CNTNAP2: variants seen among roughly 807,000 people sequenced by gnomAD.
CNTNAP2 encodes contactin associated protein 2.
In CNTNAP2, 98 loss-of-function variants were observed where a neutral mutation model predicts 155.2. The ratio of observed to expected loss-of-function variants is 0.63; its 90% CI spans 0.54 to 0.75. The LOEUF is 0.75. Among genes scored for constraint, CNTNAP2 ranks in the 30% least tolerant of loss-of-function variants. The probability of loss-of-function intolerance (pLI) is 0.00; values close to 1 mark genes in which losing one functional copy is unlikely to be tolerated. For missense variants in CNTNAP2, 1,727 were observed against 1,688.1 expected, an observed-to-expected ratio of 1.02 and a Z score of -0.40; for synonymous variants, 651 against 631.2, an observed-to-expected ratio of 1.03 and a Z score of -0.47.
intron 13 of CNTNAP2, among the ~76,000 whole-genome samples, chr7:147,669,208 C>A (rs1795748194): frequency 5.3e-5 from 8 of 150,296 alleles, no homozygotes; most frequent in Admixed American, 5.3e-4. Flanking sequence ...TCAGAACATA[C>A]CCCCACTGTT....
At chr7:146,139,725 C>G (rs958629370) in intron 1 of CNTNAP2, among the ~76,000 whole-genome samples, 5 of 151,876 alleles carry the variant, frequency 3.3e-5, no homozygotes, top group African/African-American at 1.2e-4. Context: ...TTGTATAAGA[C>G]AGACCTAAAT....
At chr7:146,669,930 A>G (rs1175066861) in intron 1 of CNTNAP2, among the ~76,000 whole-genome samples, 1 of 152,146 alleles carries the variant, frequency 6.6e-6, no homozygotes, top group African/African-American at 2.4e-5. Flanking sequence ...TTTAGTAGCT[A>G]TTTCCTTTCA....
chr7:147,782,307 C>T (rs1226768946), intron 13 of CNTNAP2, among the ~76,000 whole-genome samples: 1 of 152,214 alleles, frequency 6.6e-6, no homozygotes, highest in Non-Finnish European at 1.5e-5. Context: ...CACAAGCGTG[C>T]TAACAGCAAA....
intron 20 of CNTNAP2, among the ~76,000 whole-genome samples, chr7:148,242,006 G>T (rs1226725706): frequency 6.6e-6 from 1 of 152,162 alleles, no homozygotes; most frequent in Non-Finnish European, 1.5e-5. Flanking sequence ...TCCAGAATAC[G>T]GCTAAAGCTT....
chr7:146,542,831 A>G (rs1797971375), intron 1 of CNTNAP2, among the ~76,000 whole-genome samples: 1 of 151,896 alleles, frequency 6.6e-6, no homozygotes, highest in Admixed American at 6.6e-5. Flanking sequence ...ACTTTCTCCA[A>G]TTTGGAGTGA....
chr7:146,439,652 A>G (rs913055895), intron 1 of CNTNAP2, among the ~76,000 whole-genome samples: 12 of 151,690 alleles, frequency 7.9e-5, no homozygotes, highest in African/African-American at 2.9e-4. Flanking sequence ...AACTTTCCAC[A>G]AAACAGAATT....
At chr7:147,258,951 A>T (rs767886643) in intron 8 of CNTNAP2, among the ~76,000 whole-genome samples, 5 of 152,336 alleles carry the variant, frequency 3.3e-5, no homozygotes, top group Non-Finnish European at 5.9e-5. Context: ...CTAAAGCTTC[A>T]GAGTGAAAGC....
intron 1 of CNTNAP2, among the ~76,000 whole-genome samples, chr7:146,172,486 T>A (rs1798409629): frequency 6.6e-6 from 1 of 152,156 alleles, no homozygotes; most frequent in South Asian, 2.1e-4. Flanking sequence ...AAAAATTTTA[T>A]TGAATTTATT....
At chr7:146,188,179 A>C (rs929912973) in intron 1 of CNTNAP2, among the ~76,000 whole-genome samples, 15 of 152,210 alleles carry the variant, frequency 9.9e-5, no homozygotes, top group African/African-American at 3.1e-4. Context: ...AAGAACAACC[A>C]CAAAAAATTC....
intron 3 of CNTNAP2, among the ~76,000 whole-genome samples, chr7:146,982,484 CT>C (rs1281397360): frequency 6.6e-6 from 1 of 152,104 alleles, no homozygotes; most frequent in Non-Finnish European, 1.5e-5. Flanking sequence ...GTTTAGCACT[CT>C]TTGAAAGTCT....
intron 10 of CNTNAP2, among the ~76,000 whole-genome samples, chr7:147,410,992 C>T (rs1477296807): frequency 6.6e-6 from 1 of 152,154 alleles, no homozygotes; most frequent in Admixed American, 6.5e-5. Context: ...GAGATCCTCG[C>T]AACTTCTGAT....
intron 1 of CNTNAP2, among the ~76,000 whole-genome samples, chr7:146,753,151 G>A (rs1402298041): frequency 6.6e-6 from 1 of 151,934 alleles, no homozygotes; most frequent in Admixed American, 6.6e-5. Flanking sequence ...GCATTGTTAT[G>A]CAATCTAAGA....
At chr7:148,356,372 G>A (rs1364746837) in intron 21 of CNTNAP2, among the ~76,000 whole-genome samples, 4 of 152,168 alleles carry the variant, frequency 2.6e-5, no homozygotes, top group Non-Finnish European at 2.9e-5. Flanking sequence ...AATGCCATGT[G>A]TGCTCTGACT....
intron 10 of CNTNAP2, among the ~76,000 whole-genome samples, chr7:147,484,663 A>G (rs1798481161): frequency 6.6e-6 from 1 of 152,214 alleles, no homozygotes; most frequent in African/African-American, 2.4e-5. Flanking sequence ...CTCCATGCCA[A>G]ACTGAGCCAA....
At chr7:146,434,336 C>G (rs1212763051) in intron 1 of CNTNAP2, among the ~76,000 whole-genome samples, 1 of 152,122 alleles carries the variant, frequency 6.6e-6, no homozygotes, top group Non-Finnish European at 1.5e-5. Flanking sequence ...ATAAGCGTGG[C>G]TAAAGCATTA....
chr7:147,760,408 T>C (rs909627243), intron 13 of CNTNAP2, among the ~76,000 whole-genome samples: 1 of 152,200 alleles, frequency 6.6e-6, no homozygotes, highest in African/African-American at 2.4e-5. Context: ...CAATGATTAG[T>C]CTTCAACATT....
chr7:147,964,574 GA>G (rs1427425308), intron 14 of CNTNAP2, among the ~76,000 whole-genome samples: 2 of 151,970 alleles, frequency 1.3e-5, no homozygotes, highest in Non-Finnish European at 2.9e-5. Flanking sequence ...TATTTATTCT[GA>G]AAAAAATAAA....
Position 147,382,835 on chromosome 7 carries a change from AATG to A in CNTNAP2, c.1499-12770_1499-12768del, listed in dbSNP as rs1563183386. Among the ~76,000 whole-genome samples the A allele has an allele frequency of 2.1e-4, 32 of 152,322 alleles. No individual in the cohort carries two copies. In the East Asian group the frequency reaches 6.2e-3, roughly 29 times the overall value. ...TCAGAAAAGTAGAAGGAAAACCTCG[AATG>A]ATGTAGTACATTGTCAGCCAAAGAA... On this transcript the variant is annotated intron_variant, in intron 9 of 23. Transcript: ENST00000361727.
chr7:147,976,118 T>G (rs912216455), intron 14 of CNTNAP2, among the ~76,000 whole-genome samples: 11 of 152,204 alleles, frequency 7.2e-5, no homozygotes, highest in Non-Finnish European at 1.6e-4. Context: ...TAAAACCATT[T>G]AAATTGTGAA....
Sources: allele counts gnomAD v4.1 joint callset (sites outside exome capture counted in the v4.1 genomes callset), GRCh38; gene constraint gnomAD v4.1.1; transcripts MANE v1.5; gene names NCBI Gene and HGNC (gene_info 2026-07-23, HGNC 2026-07-21).